FMN1: variants seen among roughly 807,000 people sequenced by gnomAD.
FMN1 encodes formin 1, also known as formin-1.
In FMN1, 110 loss-of-function variants were observed where a neutral mutation model predicts 132.4. That is an observed-to-expected ratio of 0.83 (90% CI 0.71 to 0.97). The LOEUF (loss-of-function observed/expected upper bound fraction) is 0.97, where lower values mean the gene tolerates loss of function less well. Ranked by LOEUF, FMN1 falls within the 50% of genes least tolerant of loss-of-function variation. The pLI, the probability that FMN1 is intolerant of heterozygous loss-of-function variation, is 0.00. For missense variants in FMN1, 1,792 were observed against 1,705.3 expected (o/e 1.05, Z -0.90); for synonymous variants, 722 against 651.7 (o/e 1.11, Z -1.64).
At chr15:32,957,347 CA>C (rs1475000624) in intron 9 of FMN1, among the ~76,000 whole-genome samples, 1 of 106,252 alleles carries the variant, frequency 9.4e-6, no homozygotes. Flanking sequence ...GAGAAAGAAT[CA>C]CAGACAATGA....
intron 5 of FMN1, among the ~76,000 whole-genome samples, chr15:33,071,005 C>T (rs1310779993): frequency 6.6e-6 from 1 of 152,278 alleles, no homozygotes; most frequent in Admixed American, 6.5e-5. Context: ...AACCACTCTT[C>T]GAAAGCCCAG....
intron 6 of FMN1, among the ~76,000 whole-genome samples, chr15:33,060,845 C>T (rs992985972): frequency 6.6e-6 from 1 of 152,230 alleles, no homozygotes; most frequent in Non-Finnish European, 1.5e-5. Context: ...CAGTCACTGA[C>T]AGTTCCCTAA....
intron 9 of FMN1, among the ~76,000 whole-genome samples, chr15:32,948,263 G>T (rs1217385770): frequency 1.3e-5 from 2 of 151,842 alleles, no homozygotes; most frequent in East Asian, 3.9e-4. Context: ...AAATTTGCCA[G>T]TCTGGAATAA....
At chr15:32,847,286 GTA>G (rs1037019345) in intron 17 of FMN1, among the ~76,000 whole-genome samples, 3 of 88,350 alleles carry the variant, frequency 3.4e-5, no homozygotes, top group Admixed American at 2.2e-4. Flanking sequence ...GTGTGTGTGT[GTA>G]TGTGTGTGTG....
At chr15:33,128,561 TTTC>T (rs772245858) in intron 4 of FMN1, among the ~76,000 whole-genome samples, 1 of 152,154 alleles carries the variant, frequency 6.6e-6, no homozygotes, top group African/African-American at 2.4e-5. Flanking sequence ...GAGTCCGGAG[TTTC>T]TTGCTTCCGA....
rs571116022 is a variant in FMN1, at chr15:33,136,602, C to T, written c.1867+16446G>A. On this transcript the variant is annotated intron_variant, in intron 4 of 20. Coordinates refer to ENST00000616417, the MANE Select transcript of FMN1 (RefSeq NM_001277313.2). ...AGCAAGGATCGTGGTAATGGCTCTA[C>T]AGGGTTTGGCTCTGAAATGTGTCAT... is the stretch of plus-strand genomic sequence containing the variant. 4.9e-4 allele frequency among the ~76,000 whole-genome samples: 75 copies of T among 152,224 alleles called. 1 individual carries two copies. The highest frequency in any genetic ancestry group is 1.8e-3 in the African/African-American group (73 of 41,526).
At chr15:32,801,167 T>C (rs1481360323) in intron 18 of FMN1, among the ~76,000 whole-genome samples, 3 of 152,166 alleles carry the variant, frequency 2.0e-5, no homozygotes, top group African/African-American at 7.2e-5. Flanking sequence ...TTGGTGGTTG[T>C]TGCACAGCCT....
At chr15:32,987,785 G>A (rs897833165) in intron 7 of FMN1, among the ~76,000 whole-genome samples, 5 of 152,076 alleles carry the variant, frequency 3.3e-5, no homozygotes, top group Admixed American at 6.6e-5. Context: ...AATTAAATCC[G>A]AATATTTACC....
chr15:33,086,887 T>C (rs2038716881), intron 5 of FMN1, among the ~76,000 whole-genome samples: 2 of 152,240 alleles, frequency 1.3e-5, no homozygotes, highest in Admixed American at 6.5e-5. Context: ...ACAGTGACCA[T>C]GGTTTTATGG....
chr15:33,095,598 T>C (rs989348905), intron 4 of FMN1, among the ~76,000 whole-genome samples: 1 of 152,028 alleles, frequency 6.6e-6, no homozygotes, highest in African/African-American at 2.4e-5. Flanking sequence ...ACTCTTGCTG[T>C]GTTGCCTCAA....
At chr15:32,777,560 A>ATAACACTTTATATATTACGTATAACATG (rs2056473138) in intron 19 of FMN1, among the ~76,000 whole-genome samples, 1 of 147,472 alleles carries the variant, frequency 6.8e-6, no homozygotes, top group African/African-American at 2.5e-5. Context: ...CGTATAACAT[A>ATAACACTTTATATATTACGTATAACATG]TAACACTTTA....
chr15:32,910,684 C>T, intron 10 of FMN1, 149 bp from the exon 11 acceptor site: 1 of 649,870 alleles, frequency 1.5e-6, no homozygotes. Context: ...CCTTTCGCAC[C>T]AGGGGTCTCA....
intron 5 of FMN1, among the ~76,000 whole-genome samples, chr15:33,075,290 C>T (rs2038164762): frequency 6.6e-6 from 1 of 152,124 alleles, no homozygotes; most frequent in Non-Finnish European, 1.5e-5. Flanking sequence ...GGACACCAAC[C>T]ATCATCTAAC....
chr15:32,823,374 C>T (rs2058283840), intron 17 of FMN1, among the ~76,000 whole-genome samples: 1 of 151,856 alleles, frequency 6.6e-6, no homozygotes, highest in Non-Finnish European at 1.5e-5. Context: ...CGGTGTTAGC[C>T]AGGAAGGTCT....
intron 4 of FMN1, among the ~76,000 whole-genome samples, chr15:33,103,803 T>C (rs1262205085): frequency 6.6e-6 from 1 of 152,128 alleles, no homozygotes; most frequent in East Asian, 1.9e-4. Context: ...TTGGTCAAGC[T>C]TAAAATTAAC....
At chr15:32,839,259 T>G (rs1038625078) in intron 17 of FMN1, among the ~76,000 whole-genome samples, 34 of 152,090 alleles carry the variant, frequency 2.2e-4, no homozygotes, top group African/African-American at 8.0e-4. Flanking sequence ...CCCCTCTCCC[T>G]GAGGACAGGA....
At chr15:32,983,480 T>TTA (rs1278455081) in intron 7 of FMN1, among the ~76,000 whole-genome samples, 3 of 152,190 alleles carry the variant, frequency 2.0e-5, no homozygotes, top group Middle Eastern at 3.2e-3. Context: ...GATGGTACAC[T>TTA]TAGAACAGCA....
chr15:32,839,936 T>G (rs1389814955), intron 17 of FMN1, among the ~76,000 whole-genome samples: 7 of 152,206 alleles, frequency 4.6e-5, no homozygotes, highest in African/African-American at 1.7e-4. Context: ...GAGGGAGATC[T>G]ACACCGCTAA....
At chr15:33,127,554 A>C (rs1315163554) in intron 4 of FMN1, among the ~76,000 whole-genome samples, 1 of 152,230 alleles carries the variant, frequency 6.6e-6, no homozygotes. Context: ...TAAACAGTGA[A>C]CCTTTTAAAA....
Sources: gnomAD v4.1 joint callset for allele counts (sites outside exome capture counted in the v4.1 genomes callset) on GRCh38, gnomAD v4.1.1 for gene constraint, MANE v1.5 for transcripts, NCBI Gene and HGNC (gene_info 2026-07-23, HGNC 2026-07-21) for gene names.